Variants in GRIP2 observed in about 807,000 individuals in gnomAD.
GRIP2 encodes the protein glutamate receptor-interacting protein 2.
A neutral mutation model predicts 108.3 loss-of-function variants in GRIP2; 58 were observed. The observed-to-expected ratio is 0.54, with a 90% CI of 0.43 to 0.67. The LOEUF is 0.67. Ranked by LOEUF, GRIP2 falls within the 30% of genes least tolerant of loss-of-function variation. The pLI is 0.00. For missense variants in GRIP2, 1,278 were observed against 1,430.6 expected, an observed-to-expected ratio of 0.89 and a Z score of 1.72; for synonymous variants, 586 against 598.2, an observed-to-expected ratio of 0.98 and a Z score of 0.30.
chr3:14,543,421 C>T (rs1191292411), upstream of GRIP2, among the ~76,000 whole-genome samples: 1 of 152,130 alleles, frequency 6.6e-6, no homozygotes, highest in Non-Finnish European at 1.5e-5. Context: ...GGTGAGACAG[C>T]TTTGCAAGCA....
intron 17 of GRIP2, among the ~76,000 whole-genome samples, chr3:14,509,500 A>G (rs1390803161): frequency 1.3e-5 from 2 of 152,250 alleles, no homozygotes; most frequent in African/African-American, 2.4e-5. Context: ...TTCCGCACAC[A>G]GCAGGCGCTC....
chr3:14,525,440 G>A lies in GRIP2; in HGVS notation c.254C>T (p.Ala85Val), dbSNP rs745741499. Residue 85 changes from alanine (A) to valine (V), a missense_variant, in exon 3 of 24, where the codon GCC (alanine) becomes GTC (valine). Coordinates refer to ENST00000621039, the MANE Select transcript of GRIP2 (RefSeq NM_001080423.4). Reference sequence around the variant, plus strand: ...CCGTGCCAAGCCCACTTCTCACCTGGCTGCAAGTCCCCCAGGTCTCAGGTT... The same window carrying A: ...CCGTGCCAAGCCCACTTCTCACCTGACTGCAAGTCCCCCAGGTCTCAGGTT... ...VSNLRPGGLA[A>V]RSDLLNIGDY... 1.9e-6 allele frequency: 3 copies of A among 1,610,550 alleles called. No homozygotes were observed. The highest frequency in any genetic ancestry group is 2.5e-6 in the Non-Finnish European group (3 of 1,179,088).
intron 16 of GRIP2, among the ~76,000 whole-genome samples, chr3:14,510,937 A>C (rs942065699): frequency 3.3e-5 from 5 of 152,228 alleles, no homozygotes; most frequent in Middle Eastern, 3.4e-3. Context: ...ACTACGGGAG[A>C]GTCTCAAACT....
At chr3:14,541,664 C>A (rs1694973177), upstream of GRIP2, among the ~76,000 whole-genome samples, 1 of 152,228 alleles carries the variant, frequency 6.6e-6, no homozygotes. Context: ...CCCTGCCGCC[C>A]ACTTCCTATG....
chr3:14,519,141 T>C (rs904611333), intron 9 of GRIP2, among the ~76,000 whole-genome samples: 1 of 152,216 alleles, frequency 6.6e-6, no homozygotes, highest in African/African-American at 2.4e-5. Flanking sequence ...TGAATGACGC[T>C]GTTTCAAGCC....
chr3:14,521,524 G>T lies in GRIP2; in HGVS notation c.712+118C>A. ...TTTACTGCCCAGAGAAGCTGTGACT[G>T]GCCCAAGGTCATAAGGTCATGCAGC... On this transcript the variant is annotated intron_variant, in intron 7 of 23. Transcript: ENST00000621039. This position sits in a 1 kb window ranked among gnomAD's most constrained non-coding sequence, Gnocchi z 5.1. The T allele has an allele frequency of 1.8e-6, 2 of 1,116,590 alleles. No individual in the cohort carries two copies. Among genetic ancestry groups the T allele is most frequent in the Non-Finnish European group, 2.5e-6 (2 of 799,072 alleles). The allele number at this position is 1,116,590 out of a possible 1,614,324, so 69.2% of individuals were successfully genotyped here.
chr3:14,502,626 C>T (rs531444243), intron 21 of GRIP2, among the ~76,000 whole-genome samples: 22 of 152,262 alleles, frequency 1.4e-4, no homozygotes, highest in African/African-American at 5.3e-4. Context: ...GTGGAAAGTG[C>T]ATTTGCAAAA....
the GRIP2 span, among the ~76,000 whole-genome samples, chr3:14,564,561 G>A: frequency 1.3e-5 from 2 of 152,226 alleles, no homozygotes; most frequent in Non-Finnish European, 2.9e-5. Flanking sequence ...ACAGGCACCC[G>A]GTGGTGTGAC....
At chr3:14,574,340 CG>C in the GRIP2 span, 1 of 1,018,710 alleles carries the variant, frequency 9.8e-7, no homozygotes, top group Non-Finnish European at 1.5e-6. Flanking sequence ...GTTTGCGCAC[CG>C]GCACAGCGAT....
At chr3:14,556,273 C>T (rs1695236200), upstream of GRIP2, among the ~76,000 whole-genome samples, 1 of 152,158 alleles carries the variant, frequency 6.6e-6, no homozygotes, top group South Asian at 2.1e-4. Flanking sequence ...CTGGCCCACC[C>T]CACCTTTTGC....
the GRIP2 span, among the ~76,000 whole-genome samples, chr3:14,598,132 C>A: frequency 6.6e-6 from 1 of 152,116 alleles, no homozygotes; most frequent in Non-Finnish European, 1.5e-5. Context: ...CACACGCACA[C>A]ACAAACACAC....
At position 14,521,870 on chromosome 3, in the gene GRIP2, A is replaced by T; in HGVS notation, c.567-83T>A. On this transcript the variant is annotated intron_variant, in intron 6 of 23. Transcript: ENST00000621039. The surrounding 1 kb of genome is among the most constrained non-coding windows in gnomAD (Gnocchi z 5.1). The stretch of plus-strand genomic sequence containing the variant: ...CTGGGAGGGCGCTGGGAAGCGGGAC[A>T]TGGAGGATGAAGAAGCAGGGAATGG... 7.2e-6 allele frequency: 7 copies of T among 973,150 alleles called. No homozygotes were observed. The highest frequency in any genetic ancestry group is 1.7e-5 in the South Asian group (1 of 57,738). The allele number at this position is 973,150 out of a possible 1,614,324, so 60.3% of individuals were successfully genotyped here. A position where few individuals can be genotyped will look rare whatever the true frequency, so the allele number is the denominator to read the frequency against.
intron 21 of GRIP2, among the ~76,000 whole-genome samples, chr3:14,500,356 C>G (rs1364280351): frequency 6.6e-6 from 1 of 152,174 alleles, no homozygotes; most frequent in African/African-American, 2.4e-5. Context: ...AATTTTCCAG[C>G]ATAGAAGGCA....
chr3:14,596,792 G>T, the GRIP2 span, among the ~76,000 whole-genome samples: 1 of 151,826 alleles, frequency 6.6e-6, no homozygotes, highest in Non-Finnish European at 1.5e-5. Flanking sequence ...TAAGGCTGGA[G>T]CGCAGTGGTA....
the GRIP2 span, among the ~76,000 whole-genome samples, chr3:14,571,328 T>G: frequency 6.6e-6 from 1 of 152,072 alleles, no homozygotes; most frequent in Non-Finnish European, 1.5e-5. Context: ...TAGTCTCAAG[T>G]AGCGCCCGTC....
At chr3:14,597,726 G>T in the GRIP2 span, among the ~76,000 whole-genome samples, 1 of 152,130 alleles carries the variant, frequency 6.6e-6, no homozygotes, top group Admixed American at 6.5e-5. Context: ...CAAAAGAGAT[G>T]ATTTTAAAGG....
intron 20 of GRIP2, among the ~76,000 whole-genome samples, chr3:14,504,352 C>A (rs1189848143): frequency 6.8e-6 from 1 of 147,648 alleles, no homozygotes; most frequent in African/African-American, 2.5e-5. Context: ...TGCTCTGTCA[C>A]CCAAGCTGGA....
chr3:14,510,394 A>G (rs1248843506), intron 16 of GRIP2, among the ~76,000 whole-genome samples: 1 of 150,432 alleles, frequency 6.6e-6, no homozygotes, highest in Non-Finnish European at 1.5e-5. Flanking sequence ...CCTCCCAAGT[A>G]TCTGGGACTA....
rs1379260043 is a variant in GRIP2, at chr3:14,507,111, C to T, written c.2219-131G>A. On this transcript the variant is annotated intron_variant, in intron 18 of 23. Transcript: ENST00000621039. This position sits in a 1 kb window ranked among gnomAD's most constrained non-coding sequence, Gnocchi z 4.6. ...TGAGCTGACATATGACCATGGCACA[C>T]TAATAAGCAAACCTGTTTCACAGAT... 1.2e-6 allele frequency: 1 copy of T among 864,006 alleles called. No individual in the cohort carries two copies. Among genetic ancestry groups the T allele is most frequent in the East Asian group, 2.7e-5 (1 of 37,064 alleles). 53.5% of individuals were successfully genotyped at this position (864,006 alleles called of 1,614,324 possible). A position where few individuals can be genotyped will look rare whatever the true frequency, so the allele number is the denominator to read the frequency against.
Sources: allele counts gnomAD v4.1 joint callset (sites outside exome capture counted in the v4.1 genomes callset), GRCh38; gene constraint gnomAD v4.1.1; non-coding constraint Gnocchi (gnomAD v3.1); transcripts MANE v1.5; gene names NCBI Gene and HGNC (gene_info 2026-07-23, HGNC 2026-07-21).